The following GBE1 variants were observed in gnomAD, a reference collection of about 807,000 sequenced individuals.
GBE1 encodes the protein 1,4-alpha-glucan-branching enzyme.
GBE1 carries 70 observed loss-of-function variants against 88.8 expected under a neutral mutation model. The observed-to-expected ratio is 0.79, with a 90% CI of 0.65 to 0.96. The LOEUF (loss-of-function observed/expected upper bound fraction) is 0.96, where lower values mean the gene tolerates loss of function less well. Ranked by LOEUF, GBE1 falls within the 40% of genes least tolerant of loss-of-function variation. The pLI is 0.00. For missense variants in GBE1, 872 were observed against 871.0 expected, an observed-to-expected ratio of 1.00 and a Z score of -0.01; for synonymous variants, 284 against 300.1, an observed-to-expected ratio of 0.95 and a Z score of 0.56.
At chr3:81,543,243 T>G (rs1272517742) in intron 12 of GBE1, among the ~76,000 whole-genome samples, 1 of 152,038 alleles carries the variant, frequency 6.6e-6, no homozygotes, top group African/African-American at 2.4e-5. Context: ...GAGGCCTCTT[T>G]TTAGACTGAA....
At chr3:81,745,077 C>G (rs1706402587) in intron 1 of GBE1, among the ~76,000 whole-genome samples, 2 of 152,098 alleles carry the variant, frequency 1.3e-5, no homozygotes, top group Non-Finnish European at 2.9e-5. Context: ...GGTAGGACGC[C>G]TATCTTACTC....
At position 81,535,262 on chromosome 3, in the gene GBE1, AAAG is replaced by A. The variant is rs1576137368; in HGVS notation, c.1864_1866del (p.Leu622del). 1 of 1,611,718 alleles carries A rather than the reference AAAG, an allele frequency of 6.2e-7. No individual in the cohort carries two copies. The highest frequency in any genetic ancestry group is 1.1e-5 in the South Asian group (1 of 90,898). ...TTGCTTGGATGGAAGTTGAAAATGA[AAAG>A]AAGACCTGCTCTTTCAAAAGCAATG... On this transcript the variant is annotated inframe_deletion, in exon 14 of 16. Coordinates refer to ENST00000429644, the MANE Select transcript of GBE1 (RefSeq NM_000158.4).
At chr3:81,576,932 T>G (rs957661453) in intron 12 of GBE1, among the ~76,000 whole-genome samples, 1 of 152,024 alleles carries the variant, frequency 6.6e-6, no homozygotes, top group Non-Finnish European at 1.5e-5. Context: ...TAGAAGTGAA[T>G]AATTCAAAGA....
intron 14 of GBE1, chr3:81,534,977 CCT>C: frequency 2.2e-6 from 1 of 465,018 alleles, no homozygotes; most frequent in Non-Finnish European, 3.8e-6. Flanking sequence ...TGCACTAACC[CCT>C]CTGTTTAAAC....
intron 2 of GBE1, among the ~76,000 whole-genome samples, chr3:81,686,117 C>A (rs1029426049): frequency 6.6e-6 from 1 of 152,050 alleles, no homozygotes; most frequent in Non-Finnish European, 1.5e-5. Flanking sequence ...GGGATGAAAA[C>A]GAAGGAGTGC....
chr3:81,594,714 C>T (rs1050248143), intron 7 of GBE1, among the ~76,000 whole-genome samples: 7 of 151,908 alleles, frequency 4.6e-5, no homozygotes, highest in East Asian at 1.9e-4. Context: ...TTTAAGAGTC[C>T]TACATCCATA....
At chr3:81,669,144 C>T (rs773174549) in intron 3 of GBE1, among the ~76,000 whole-genome samples, 1 of 152,134 alleles carries the variant, frequency 6.6e-6, no homozygotes, top group Non-Finnish European at 1.5e-5. Flanking sequence ...GAACTTTCCT[C>T]GGCTTCAACT....
At chr3:81,573,540 T>C (rs2106927163) in intron 12 of GBE1, among the ~76,000 whole-genome samples, 1 of 152,354 alleles carries the variant, frequency 6.6e-6, no homozygotes, top group East Asian at 1.9e-4. Context: ...TTTTGGGTTT[T>C]AAGGCCTTGA....
At chr3:81,621,404 G>A (rs1007118464) in intron 7 of GBE1, among the ~76,000 whole-genome samples, 3 of 152,122 alleles carry the variant, frequency 2.0e-5, no homozygotes, top group Non-Finnish European at 4.4e-5. Flanking sequence ...AAACACCATT[G>A]TCATTCAAAC....
At chr3:81,689,035 C>T (rs913907783) in intron 2 of GBE1, among the ~76,000 whole-genome samples, 11 of 152,066 alleles carry the variant, frequency 7.2e-5, no homozygotes, top group African/African-American at 2.4e-4. Flanking sequence ...CTAAAATAAA[C>T]CTCTATATGT....
Position 81,729,645 on chromosome 3 carries a change from A to G in GBE1, c.144-24032T>C, listed in dbSNP as rs745837817. On this transcript the variant is annotated intron_variant, in intron 1 of 15. Transcript: ENST00000429644. ...ATTCATGCCCATATAAATACCCATCATAGAACACACAGGCAGGAGTGGCCT... is the reference window on the plus strand; with the variant it reads ...ATTCATGCCCATATAAATACCCATCGTAGAACACACAGGCAGGAGTGGCCT... Among the ~76,000 whole-genome samples the G allele has an allele frequency of 5.2e-4, 79 of 152,188 alleles. 1 individual carries two copies. The highest frequency in any genetic ancestry group is 9.0e-4 in the Non-Finnish European group (61 of 68,028).
chr3:81,740,595 G>T (rs1706333354), intron 1 of GBE1, among the ~76,000 whole-genome samples: 1 of 151,978 alleles, frequency 6.6e-6, no homozygotes, highest in South Asian at 2.1e-4. Context: ...AGTCAATAAG[G>T]CCCAGAATTG....
chr3:81,565,047 G>A (rs1380691651), intron 12 of GBE1, among the ~76,000 whole-genome samples: 1 of 152,136 alleles, frequency 6.6e-6, no homozygotes, highest in African/African-American at 2.4e-5. Context: ...CTCATGGTAG[G>A]TTCTCATTAA....
At chr3:81,527,886 T>C (rs1702965611) in intron 14 of GBE1, among the ~76,000 whole-genome samples, 1 of 152,076 alleles carries the variant, frequency 6.6e-6, no homozygotes, top group East Asian at 1.9e-4. Flanking sequence ...CAAAGGATTA[T>C]AAATCATGCC....
At chr3:81,551,896 C>A (rs1237979593) in intron 12 of GBE1, among the ~76,000 whole-genome samples, 1 of 152,132 alleles carries the variant, frequency 6.6e-6, no homozygotes, top group Non-Finnish European at 1.5e-5. Context: ...AATATCCATA[C>A]CCCCAATTCT....
chr3:81,599,613 G>A (rs377445105), intron 7 of GBE1, among the ~76,000 whole-genome samples: 5 of 152,130 alleles, frequency 3.3e-5, no homozygotes, highest in African/African-American at 7.2e-5. Flanking sequence ...AAAAGGTACA[G>A]TAAAACACAG....
intron 7 of GBE1, among the ~76,000 whole-genome samples, chr3:81,632,134 G>A (rs2107037206): frequency 6.6e-6 from 1 of 152,294 alleles, no homozygotes; most frequent in East Asian, 1.9e-4. Context: ...CAAAGGACAT[G>A]AACTCATTCT....
chr3:81,498,004 T>G (rs929719549), intron 15 of GBE1, among the ~76,000 whole-genome samples: 1 of 152,170 alleles, frequency 6.6e-6, no homozygotes, highest in Non-Finnish European at 1.5e-5. Context: ...TCCAAATATA[T>G]CTAAAGCTGT....
intron 14 of GBE1, among the ~76,000 whole-genome samples, chr3:81,522,996 A>G (rs2106849023): frequency 6.6e-6 from 1 of 151,598 alleles, no homozygotes; most frequent in African/African-American, 2.4e-5. Context: ...AAAATTACCT[A>G]TAGACATTTA....
Sources: gnomAD v4.1 joint callset for allele counts (sites outside exome capture counted in the v4.1 genomes callset) on GRCh38, gnomAD v4.1.1 for gene constraint, MANE v1.5 for transcripts, NCBI Gene and HGNC (gene_info 2026-07-23, HGNC 2026-07-21) for gene names.